SEC16B: variants seen among roughly 807,000 people sequenced by gnomAD.
The protein encoded by SEC16B is SEC16 homolog B, endoplasmic reticulum export factor, also known as protein transport protein Sec16B.
In SEC16B, 115 loss-of-function variants were observed where a neutral mutation model predicts 141.8. The observed-to-expected ratio is 0.81, with a 90% CI of 0.70 to 0.95. SEC16B has a LOEUF of 0.95. SEC16B is among the 40% of genes least tolerant of loss of function. The probability of loss-of-function intolerance (pLI) is 0.00; values close to 1 mark genes in which losing one functional copy is unlikely to be tolerated. For missense variants in SEC16B, 1,291 were observed against 1,312.3 expected (o/e 0.98, Z 0.25); for synonymous variants, 493 against 492.5 (o/e 1.00, Z -0.01).
intron 1 of SEC16B, among the ~76,000 whole-genome samples, chr1:177,980,251 G>A (rs940989257): frequency 6.6e-6 from 1 of 152,066 alleles, no homozygotes; most frequent in African/African-American, 2.4e-5. Flanking sequence ...GTCACTAAAT[G>A]AATCCAACTG....
At chr1:177,949,387 C>A (rs916385910) in intron 12 of SEC16B, among the ~76,000 whole-genome samples, 31 of 49,796 alleles carry the variant, frequency 6.2e-4, no homozygotes, top group Non-Finnish European at 1.1e-3. Context: ...TTGCTAAACA[C>A]ACACACACAC....
chr1:177,949,429 C>CACACACAA lies in SEC16B; in HGVS notation c.1546-1488_1546-1487insTTGTGTGT, dbSNP rs1491561749. Among the ~76,000 whole-genome samples the CACACACAA allele has an allele frequency of 7.6e-3, 1,052 of 139,218 alleles. 13 individuals are homozygous for CACACACAA. Among genetic ancestry groups the CACACACAA allele is most frequent in the African/African-American group, 0.027 (1,002 of 37,274 alleles). 91.3% of individuals were successfully genotyped at this position (139,218 alleles called of 152,430 possible). On this transcript the variant is annotated intron_variant, in intron 12 of 25. Transcript: ENST00000308284. Reference sequence around the variant, plus strand: ...ACACACACACACACACACACACACACAAAGAAAAACTTAGAGGTCATTATT... The same window carrying CACACACAA: ...ACACACACACACACACACACACACACACACACAAAAAGAAAAACTTAGAGGTCATTATT...
At chr1:177,958,758 C>A in intron 9 of SEC16B, 82 bp downstream of exon 9, 1 of 1,482,092 alleles carries the variant, frequency 6.7e-7, no homozygotes. Flanking sequence ...TTTTCATAAT[C>A]ATGTCATAAA....
intron 24 of SEC16B, 55 bp downstream of exon 24, chr1:177,932,435 C>G: frequency 7.4e-7 from 1 of 1,343,398 alleles, no homozygotes; most frequent in Non-Finnish European, 1.0e-6. Flanking sequence ...AGGTTCAGTC[C>G]TCACACACAG....
rs377084559 is a variant in SEC16B, at chr1:177,937,328, G to T, written c.2389C>A (p.Pro797Thr). 2.0e-5 allele frequency: 33 copies of T among 1,613,672 alleles called. No individual in the cohort carries two copies. Among genetic ancestry groups the T allele is most frequent in the Non-Finnish European group, 2.8e-5 (33 of 1,179,878 alleles). ...GGAGQTGTPR[P>T]FYSVPETHLP... is the part of the protein sequence containing the mutation. ...TGGGTCTCAGGAACTGAGTAAAAAG[G>T]CCTCGGTGTCCCTGTCTGCCCTGCA... The change falls in exon 19 of 26, where the codon CCT becomes ACT. Residue 797 changes from proline (P) to threonine (T), a missense_variant. Pro to Thr is a conservative substitution (Grantham distance 38, BLOSUM62 -1). Coordinates refer to ENST00000308284, the MANE Select transcript of SEC16B (RefSeq NM_033127.4).
chr1:177,958,984 A>C lies in SEC16B; in HGVS notation c.999-9T>G. ...CCTTATGTACATCTTCCCTACATGG[A>C]AAAAATTTAGGGAGCAAAGAGTGAG... is the stretch of plus-strand genomic sequence containing the variant. On this transcript the variant is annotated splice_polypyrimidine_tract_variant and intron_variant, in intron 8 of 25. Coordinates refer to ENST00000308284, the MANE Select transcript of SEC16B (RefSeq NM_033127.4). 6.2e-7 allele frequency: 1 copy of C among 1,610,752 alleles called. No individual in the cohort carries two copies. Among genetic ancestry groups the C allele is most frequent in the Non-Finnish European group, 8.5e-7 (1 of 1,178,582 alleles).
intron 15 of SEC16B, 58 bp downstream of exon 15, chr1:177,944,503 T>A: frequency 7.2e-7 from 1 of 1,396,334 alleles, no homozygotes; most frequent in Non-Finnish European, 1.0e-6. Context: ...AAGCTGCAAA[T>A]ACAGCTGCCT....
In SEC16B at chr1:177,965,087, G is replaced by T; in HGVS notation, c.493C>A (p.Gln165Lys). Reference protein sequence around the residue: ...KYLDEHHYENQHSPFGTNSET... With the variant: ...KYLDEHHYENKHSPFGTNSET... ...CTATTTGTTCCAAATGGACTGTGCT[G>T]GTTTTCATAATGATGTTCATCAAGG... The change falls in exon 4 of 26, where the codon CAG becomes AAG. Residue 165 changes from glutamine to lysine, a missense_variant. Coordinates refer to ENST00000308284, the MANE Select transcript of SEC16B (RefSeq NM_033127.4). 1 of 1,613,462 alleles carries T rather than the reference G, an allele frequency of 6.2e-7. No individual in the cohort carries two copies. Among genetic ancestry groups the T allele is most frequent in the Non-Finnish European group, 8.5e-7 (1 of 1,179,746 alleles).
At chr1:177,931,287 C>T (rs1327725477) in intron 24 of SEC16B, among the ~76,000 whole-genome samples, 2 of 152,118 alleles carry the variant, frequency 1.3e-5, no homozygotes, top group Non-Finnish European at 2.9e-5. Context: ...TTGGATGAAG[C>T]CGGAGTCCAT....
At chr1:177,976,981 T>C (rs920803508) in intron 1 of SEC16B, among the ~76,000 whole-genome samples, 2 of 152,210 alleles carry the variant, frequency 1.3e-5, no homozygotes, top group East Asian at 3.8e-4. Context: ...ACTGGAGTAC[T>C]TGTTGTTTCA....
At chr1:177,971,184 C>T (rs915613034), upstream of SEC16B, among the ~76,000 whole-genome samples, 2 of 151,864 alleles carry the variant, frequency 1.3e-5, no homozygotes, top group Non-Finnish European at 2.9e-5. Context: ...CAGGTTCAAG[C>T]AATTCTCCTG....
chr1:177,947,768 G>GGGAGGTGAGGGGAGGGACAGGGAGA (rs1651837471), intron 13 of SEC16B, 57 bp downstream of exon 13: 14 of 1,047,680 alleles, frequency 1.3e-5, no homozygotes, highest in Admixed American at 1.2e-4. Flanking sequence ...GGACAGGGAG[G>GGGAGGTGAGGGGAGGGACAGGGAGA]GGAGGGGAGG....
At chr1:177,968,097 G>A in intron 1 of SEC16B, 58 bp from the exon 2 acceptor site, 2 of 1,030,274 alleles carry the variant, frequency 1.9e-6, no homozygotes, top group Non-Finnish European at 2.7e-6. Flanking sequence ...CAAACATAGT[G>A]GTTGATTAGG....
chr1:177,930,523 C>A (rs1412260095), intron 25 of SEC16B, 22 bp downstream of exon 25: 7 of 1,579,866 alleles, frequency 4.4e-6, no homozygotes, highest in Non-Finnish European at 6.1e-6. Context: ...TGGCCAGCCC[C>A]TCCCCCTGAG....
In SEC16B at chr1:177,930,642, C is replaced by T; in HGVS notation, c.3014G>A (p.Ser1005Asn). Residue 1005 changes from serine (S) to asparagine (N), a missense_variant and splice_region_variant, in exon 25 of 26, where the codon AGT (serine) becomes AAT (asparagine). Ser to Asn is a conservative substitution (Grantham distance 46). This residue lies in a region of SEC16B where 605 missense variants were observed against 614.1 expected (regional missense o/e 0.99). Transcript: ENST00000308284. Reference sequence around the variant, plus strand: ...GTTGGAGCAGAGCTCAAAGGAAACACTCTGTGATGGAAAAGCATGGAAAAT... The same window carrying T: ...GTTGGAGCAGAGCTCAAAGGAAACATTCTGTGATGGAAAAGCATGGAAAAT... ...AGVGGLSGPESVSFELCSNPG... is the reference protein window; with the variant it reads ...AGVGGLSGPENVSFELCSNPG... The T allele has an allele frequency of 6.2e-7, 1 of 1,612,044 alleles. No homozygotes were observed. Among genetic ancestry groups the T allele is most frequent in the Non-Finnish European group, 8.5e-7 (1 of 1,178,672 alleles).
chr1:177,950,666 C>G (rs1013854276), intron 12 of SEC16B, among the ~76,000 whole-genome samples: 2 of 151,820 alleles, frequency 1.3e-5, no homozygotes, highest in African/African-American at 4.8e-5. Context: ...AATAATGAAG[C>G]AATTGCATCT....
In SEC16B at chr1:177,933,551, G is replaced by C. The variant is rs1456517728; in HGVS notation, c.2657C>G (p.Ala886Gly). Residue 886 changes from alanine to glycine, a missense_variant, in exon 21 of 26, where the codon GCT becomes GGT. By Grantham distance (60) the Ala-to-Gly change is moderately conservative. Transcript: ENST00000308284. Reference protein sequence around the residue: ...KEDEKESSDEADKNSPRNTAQ... With the variant: ...KEDEKESSDEGDKNSPRNTAQ... The stretch of plus-strand genomic sequence containing the variant: ...AGTATTTCGGGGAGAGTTTTTATCA[G>C]CCTCATCAGAGGACTCCTTCTCATC... The C allele has an allele frequency of 9.3e-6, 15 of 1,613,816 alleles. No individual in the cohort carries two copies. In the Admixed American group the frequency reaches 2.5e-4, roughly 27 times the overall value.
chr1:177,957,927 G>A (rs913020156), intron 10 of SEC16B, among the ~76,000 whole-genome samples: 4 of 151,740 alleles, frequency 2.6e-5, no homozygotes, highest in Admixed American at 2.0e-4. Flanking sequence ...TTGTTTTTCT[G>A]TACCTGGCTT....
intron 12 of SEC16B, 75 bp from the exon 13 acceptor site, chr1:177,948,017 A>AT: frequency 8.4e-7 from 1 of 1,192,072 alleles, no homozygotes; most frequent in South Asian, 1.3e-5. Context: ...GCTGTTGTCT[A>AT]TTTCCTGGTT....
Sources: gnomAD v4.1 joint callset for allele counts (sites outside exome capture counted in the v4.1 genomes callset) on GRCh38, gnomAD v4.1.1 for gene constraint, gnomAD v4.1.1 regional missense constraint, MANE v1.5 for transcripts, NCBI Gene and HGNC (gene_info 2026-07-23, HGNC 2026-07-21) for gene names.